Variants in MITF observed in about 807,000 individuals in gnomAD.
MITF encodes the protein microphthalmia-associated transcription factor.
Under a neutral mutation model 60.5 loss-of-function variants are expected in MITF, and 17 were observed. That is an observed-to-expected ratio of 0.28 (90% confidence interval 0.19 to 0.42). MITF has a LOEUF of 0.42. Ranked by LOEUF, MITF falls within the 10% of genes least tolerant of loss-of-function variation. MITF has a pLI of 1.00. For synonymous variants in MITF, 260 were observed against 248.5 expected, an observed-to-expected ratio of 1.05 and a Z score of -0.43; for missense variants, 622 against 683.5, an observed-to-expected ratio of 0.91 and a Z score of 1.00.
chr3:69,918,038 A>G (rs561252253), intron 2 of MITF, among the ~76,000 whole-genome samples: 1 of 152,032 alleles, frequency 6.6e-6, no homozygotes, highest in East Asian at 1.9e-4. Flanking sequence ...AATTTTCTCC[A>G]GTCATGTACA....
At chr3:69,882,914 G>A (rs925629755) in intron 2 of MITF, among the ~76,000 whole-genome samples, 1 of 152,258 alleles carries the variant, frequency 6.6e-6, no homozygotes. Flanking sequence ...TTGAAAGCTT[G>A]AAAACATTAG....
intron 1 of MITF, among the ~76,000 whole-genome samples, chr3:69,871,352 A>G (rs1391666150): frequency 6.6e-6 from 1 of 152,216 alleles, no homozygotes; most frequent in African/African-American, 2.4e-5. Context: ...AGAAGGATGG[A>G]TTTCCTGATT....
At chr3:69,806,087 A>AT (rs1158336527) in intron 1 of MITF, among the ~76,000 whole-genome samples, 2,173 of 142,176 alleles carry the variant, frequency 0.015, 18 homozygotes, top group African/African-American at 0.026. Flanking sequence ...AGCAGAGCCA[A>AT]TTTTTTTTTT....
At chr3:69,801,966 A>G (rs1398000877) in intron 1 of MITF, among the ~76,000 whole-genome samples, 2 of 152,172 alleles carry the variant, frequency 1.3e-5, no homozygotes, top group Non-Finnish European at 2.9e-5. Context: ...TAGGCCCTCA[A>G]TAAACATGGG....
Position 69,936,592 on chromosome 3 carries a change from G to A in MITF, c.355-1230G>A, listed in dbSNP as rs937741051. The A allele has an allele frequency of 2.2e-5, 33 of 1,529,008 alleles. No homozygotes were observed. In the African/African-American group the frequency reaches 3.0e-4, roughly 14 times the overall value. 94.7% of individuals were successfully genotyped at this position (1,529,008 alleles called of 1,614,324 possible). Reference sequence around the variant, plus strand: ...GCAGGGCTTCTGTGATAAAGTTTCCGGTGGTGTCTCGGGATACCTTGTTTA... The same window carrying A: ...GCAGGGCTTCTGTGATAAAGTTTCCAGTGGTGTCTCGGGATACCTTGTTTA... On this transcript the variant is annotated intron_variant, in intron 2 of 9. Coordinates refer to ENST00000352241, the MANE Select transcript of MITF (RefSeq NM_001354604.2).
chr3:69,912,298 T>A (rs1345346791), intron 2 of MITF, among the ~76,000 whole-genome samples: 1 of 152,212 alleles, frequency 6.6e-6, no homozygotes, highest in East Asian at 1.9e-4. Context: ...CTTATGGGGC[T>A]TATTGTTGTC....
chr3:69,824,790 G>C (rs1291590181), intron 1 of MITF, among the ~76,000 whole-genome samples: 2 of 152,174 alleles, frequency 1.3e-5, no homozygotes, highest in African/African-American at 4.8e-5. Flanking sequence ...CTCTCCTTGG[G>C]CTGTTTTGTA....
chr3:69,784,956 G>T (rs746784761), intron 1 of MITF, among the ~76,000 whole-genome samples: 1 of 152,058 alleles, frequency 6.6e-6, no homozygotes, highest in African/African-American at 2.4e-5. Flanking sequence ...AGAGACTGGC[G>T]TGGACTGTGG....
At position 69,959,526 on chromosome 3, in the gene MITF, A is replaced by G. The variant is rs867256831; in HGVS notation, c.1179+106A>G. 10 of 1,343,260 alleles carry G rather than the reference A, an allele frequency of 7.4e-6. No individual in the cohort carries two copies. In the South Asian group the frequency reaches 1.2e-4, roughly 17 times the overall value. 83.2% of individuals were successfully genotyped at this position (1,343,260 alleles called of 1,614,324 possible). On this transcript the variant is annotated intron_variant, in intron 9 of 9. Coordinates refer to ENST00000352241, the MANE Select transcript of MITF (RefSeq NM_001354604.2). ...GGGAGTTGACTTACGTGATCCTAAC[A>G]CAGTCAATCCTTATTATTTGTGGAT...
intron 1 of MITF, among the ~76,000 whole-genome samples, chr3:69,772,817 T>C (rs981241682): frequency 5.3e-5 from 8 of 152,170 alleles, no homozygotes; most frequent in African/African-American, 1.7e-4. Context: ...ATACACCCAC[T>C]TATTGAGCTA....
At chr3:69,822,910 T>C (rs1487725987) in intron 1 of MITF, among the ~76,000 whole-genome samples, 1 of 151,984 alleles carries the variant, frequency 6.6e-6, no homozygotes, top group African/African-American at 2.4e-5. Flanking sequence ...TTTGTTTTTT[T>C]TTTTTTCTTG....
intron 2 of MITF, among the ~76,000 whole-genome samples, chr3:69,888,436 G>T (rs1223010698): frequency 1.4e-5 from 2 of 147,422 alleles, no homozygotes; most frequent in African/African-American, 5.0e-5. Flanking sequence ...TCTTTTGAAA[G>T]AAATCTTACC....
intron 1 of MITF, among the ~76,000 whole-genome samples, chr3:69,848,700 T>C (rs1338778497): frequency 6.6e-6 from 1 of 152,154 alleles, no homozygotes; most frequent in Non-Finnish European, 1.5e-5. Context: ...GTGAACATGA[T>C]GGCAATGACA....
chr3:69,844,812 A>G (rs2063701511), intron 1 of MITF, among the ~76,000 whole-genome samples: 1 of 152,122 alleles, frequency 6.6e-6, no homozygotes, highest in Non-Finnish European at 1.5e-5. Context: ...CCAGCATTCC[A>G]GTGCTGAGAC....
At chr3:69,766,497 G>C (rs1413710188) in intron 1 of MITF, among the ~76,000 whole-genome samples, 1 of 150,996 alleles carries the variant, frequency 6.6e-6, no homozygotes, top group Non-Finnish European at 1.5e-5. Flanking sequence ...AAAGTGTTGG[G>C]ATTACAGGCG....
intron 1 of MITF, among the ~76,000 whole-genome samples, chr3:69,864,180 G>T (rs1399322775): frequency 6.6e-6 from 1 of 152,042 alleles, no homozygotes. Flanking sequence ...AAAGAACTGG[G>T]GCCCAGAAAG....
chr3:69,917,141 GC>G lies in MITF; in HGVS notation c.355-20680del, dbSNP rs372241875. Among the ~76,000 whole-genome samples the G allele has an allele frequency of 2.4e-4, 36 of 152,246 alleles. 1 individual carries two copies. In the South Asian group the frequency reaches 7.5e-3, roughly 32 times the overall value. ...CCTGACATTTAGAGGCTTAAATCGA[GC>G]AGGTGATATTATAGTCTGGAAATGG... On this transcript the variant is annotated intron_variant, in intron 2 of 9. Coordinates refer to ENST00000352241, the MANE Select transcript of MITF (RefSeq NM_001354604.2).
At chr3:69,758,117 G>GT (rs142749311) in intron 1 of MITF, among the ~76,000 whole-genome samples, 1 of 120,110 alleles carries the variant, frequency 8.3e-6, no homozygotes, top group African/African-American at 3.1e-5. Flanking sequence ...TATATCATAT[G>GT]CACACACACA....
intron 2 of MITF, among the ~76,000 whole-genome samples, chr3:69,919,010 TTCTC>T (rs2065401609): frequency 6.6e-6 from 1 of 152,236 alleles, no homozygotes; most frequent in Non-Finnish European, 1.5e-5. Context: ...CAAGAAATCT[TTCTC>T]TGTCTCTTCT....
Sources: gnomAD v4.1 joint callset for allele counts (sites outside exome capture counted in the v4.1 genomes callset) on GRCh38, gnomAD v4.1.1 for gene constraint, MANE v1.5 for transcripts, NCBI Gene and HGNC (gene_info 2026-07-23, HGNC 2026-07-21) for gene names.